KCNIP4: variants seen among roughly 807,000 people sequenced by gnomAD.
KCNIP4 encodes the protein Kv channel-interacting protein 4.
Under a neutral mutation model 34.0 loss-of-function variants are expected in KCNIP4, and 12 were observed. The observed-to-expected ratio is 0.35, with a 90% CI of 0.23 to 0.57. The LOEUF (loss-of-function observed/expected upper bound fraction) is 0.57, where lower values mean the gene tolerates loss of function less well. Ranked by LOEUF, KCNIP4 falls within the 20% of genes least tolerant of loss-of-function variation. The pLI, the probability that KCNIP4 is intolerant of heterozygous loss-of-function variation, is 0.83. For synonymous variants in KCNIP4, 124 were observed against 102.2 expected, an observed-to-expected ratio of 1.21 and a Z score of -1.29; for missense variants, 238 against 311.7, an observed-to-expected ratio of 0.76 and a Z score of 1.78.
At chr4:21,329,610 A>T (rs962407758) in intron 1 of KCNIP4, among the ~76,000 whole-genome samples, 3 of 152,176 alleles carry the variant, frequency 2.0e-5, no homozygotes, top group African/African-American at 7.2e-5. Flanking sequence ...TGGAATTCAG[A>T]TAAGGAAAGC....
intron 1 of KCNIP4, among the ~76,000 whole-genome samples, chr4:21,743,892 G>A (rs958666171): frequency 5.3e-5 from 8 of 150,918 alleles, no homozygotes; most frequent in Non-Finnish European, 8.8e-5. Flanking sequence ...GAAAATGGGA[G>A]GAGGCATTGC....
chr4:21,725,655 C>A (rs190069569), intron 1 of KCNIP4, among the ~76,000 whole-genome samples: 2 of 152,116 alleles, frequency 1.3e-5, no homozygotes, highest in Non-Finnish European at 2.9e-5. Flanking sequence ...CTTACCTTCT[C>A]TGTAACTGAA....
At chr4:21,634,700 T>C (rs547603665) in intron 1 of KCNIP4, among the ~76,000 whole-genome samples, 25 of 152,332 alleles carry the variant, frequency 1.6e-4, no homozygotes, top group African/African-American at 5.3e-4. Context: ...AGGAGACATA[T>C]AAGCCATCTA....
At chr4:21,122,701 G>A (rs901182816) in intron 1 of KCNIP4, among the ~76,000 whole-genome samples, 32 of 152,124 alleles carry the variant, frequency 2.1e-4, no homozygotes, top group African/African-American at 7.2e-4. Context: ...TGAGGATGAG[G>A]AAGTGAGGTG....
chr4:21,388,197 T>A (rs1261763260), intron 1 of KCNIP4, among the ~76,000 whole-genome samples: 2 of 151,884 alleles, frequency 1.3e-5, no homozygotes, highest in African/African-American at 2.4e-5. Flanking sequence ...TTACCATCAC[T>A]AAAATATATT....
intron 1 of KCNIP4, among the ~76,000 whole-genome samples, chr4:21,822,395 C>T (rs1251717007): frequency 6.6e-6 from 1 of 152,150 alleles, no homozygotes; most frequent in Non-Finnish European, 1.5e-5. Flanking sequence ...AGAGTCTCAA[C>T]CCAATAATCC....
At position 20,867,047 on chromosome 4, in the gene KCNIP4, TGAAA is replaced by T. The variant is rs1369685794; in HGVS notation, c.163+15557_163+15560del. 4.6e-5 allele frequency among the ~76,000 whole-genome samples: 7 copies of T among 152,012 alleles called. No homozygotes were observed. The East Asian group carries it at 1.4e-3, about 29-fold the overall frequency. ...GGAAAAGCATTTCATTCTTGTAGAC[TGAAA>T]GAATCAGTGTTATAAAAATGGCCAT... On this transcript the variant is annotated intron_variant, in intron 2 of 8. Transcript: ENST00000382152.
intron 1 of KCNIP4, among the ~76,000 whole-genome samples, chr4:21,934,485 T>C (rs557220027): frequency 1.3e-5 from 2 of 152,146 alleles, no homozygotes; most frequent in African/African-American, 2.4e-5. Flanking sequence ...CAATTAAAAA[T>C]AAGATTTGAA....
intron 1 of KCNIP4, among the ~76,000 whole-genome samples, chr4:21,192,921 ACTACTACTACTACTACTACTACT>A (rs1755761628): frequency 2.3e-4 from 33 of 143,140 alleles, no homozygotes; most frequent in African/African-American, 6.5e-4. Flanking sequence ...CGTCTCTACT[ACTACTACTACTACTACTACTACT>A]ACTACTACTA....
At chr4:20,967,623 C>A (rs1289654968) in intron 1 of KCNIP4, among the ~76,000 whole-genome samples, 2 of 152,182 alleles carry the variant, frequency 1.3e-5, no homozygotes, top group Non-Finnish European at 2.9e-5. Context: ...AGAAATAACA[C>A]CGTATGTCTA....
intron 1 of KCNIP4, among the ~76,000 whole-genome samples, chr4:21,617,432 A>AT (rs1744683831): frequency 6.6e-6 from 1 of 152,130 alleles, no homozygotes; most frequent in Non-Finnish European, 1.5e-5. Context: ...TCATTGCTGC[A>AT]TTTTTTATTA....
chr4:21,467,416 C>T (rs1263312068), intron 1 of KCNIP4, among the ~76,000 whole-genome samples: 9 of 152,118 alleles, frequency 5.9e-5, no homozygotes, highest in East Asian at 1.9e-4. Flanking sequence ...CGCAGCCTGC[C>T]TCATTGCTCA....
At chr4:21,297,028 A>C (rs1763879226) in intron 1 of KCNIP4, among the ~76,000 whole-genome samples, 1 of 149,516 alleles carries the variant, frequency 6.7e-6, no homozygotes, top group Admixed American at 6.6e-5. Flanking sequence ...ATAAGTACGT[A>C]TGTGTGTGTG....
At chr4:21,298,169 G>A (rs1206783894) in intron 1 of KCNIP4, among the ~76,000 whole-genome samples, 1 of 152,058 alleles carries the variant, frequency 6.6e-6, no homozygotes, top group Non-Finnish European at 1.5e-5. Flanking sequence ...GTCTTATACA[G>A]GTTCTCAACT....
At chr4:21,237,739 T>C (rs1486987693) in intron 1 of KCNIP4, among the ~76,000 whole-genome samples, 1 of 152,142 alleles carries the variant, frequency 6.6e-6, no homozygotes, top group East Asian at 1.9e-4. Flanking sequence ...CAATAATTAA[T>C]AGCTTACCAA....
rs373566431 is a variant in KCNIP4, at chr4:20,824,697, C to T, written c.288+25846G>A. ...CCATCTCAAAAAAAATGTGATTCTT[C>T]GACATTTATGTTTTTGAGGTCCTTT... On this transcript the variant is annotated intron_variant, in intron 3 of 8. Coordinates refer to ENST00000382152, the MANE Select transcript of KCNIP4 (RefSeq NM_025221.6). Among the ~76,000 whole-genome samples, 26 of 152,048 alleles carry T rather than the reference C, an allele frequency of 1.7e-4. 2 individuals are homozygous for T. Among genetic ancestry groups the T allele is most frequent in the Admixed American group, 1.4e-3 (22 of 15,258 alleles).
intron 1 of KCNIP4, among the ~76,000 whole-genome samples, chr4:21,893,834 A>G (rs1727236287): frequency 6.6e-6 from 1 of 152,136 alleles, no homozygotes; most frequent in Non-Finnish European, 1.5e-5. Flanking sequence ...GCCAACATAT[A>G]GTTTTGTAGT....
At chr4:21,892,880 A>G (rs1376636648) in intron 1 of KCNIP4, among the ~76,000 whole-genome samples, 2 of 152,170 alleles carry the variant, frequency 1.3e-5, no homozygotes, top group Non-Finnish European at 2.9e-5. Context: ...CTAGGTCTGG[A>G]AAGAAGCCAG....
At chr4:21,114,626 G>C (rs1191587022) in intron 1 of KCNIP4, among the ~76,000 whole-genome samples, 1 of 152,106 alleles carries the variant, frequency 6.6e-6, no homozygotes, top group African/African-American at 2.4e-5. Context: ...TTTGACAATA[G>C]TTATCATACT....
Sources: gnomAD v4.1 joint callset for allele counts (sites outside exome capture counted in the v4.1 genomes callset) on GRCh38, gnomAD v4.1.1 for gene constraint, MANE v1.5 for transcripts, NCBI Gene and HGNC (gene_info 2026-07-23, HGNC 2026-07-21) for gene names.